SLC23A1: variants seen among roughly 807,000 people sequenced by gnomAD.
SLC23A1 encodes the protein solute carrier family 23 member 1.
Under a neutral mutation model 62.5 loss-of-function variants are expected in SLC23A1, and 31 were observed. The ratio of observed to expected loss-of-function variants is 0.50; its 90% CI spans 0.37 to 0.67. The LOEUF is 0.67. Among genes scored for constraint, SLC23A1 ranks in the 30% least tolerant of loss-of-function variants. The pLI is 0.00. For missense variants in SLC23A1, 640 were observed against 782.7 expected, an observed-to-expected ratio of 0.82 and a Z score of 2.18; for synonymous variants, 271 against 313.2, an observed-to-expected ratio of 0.87 and a Z score of 1.42.
chr5:139,382,118 G>A, intron 2 of SLC23A1, 69 bp from the exon 3 acceptor site: 4 of 1,465,896 alleles, frequency 2.7e-6, no homozygotes, highest in Non-Finnish European at 2.8e-6. Flanking sequence ...GGACAACCTA[G>A]TGTCCTCATG....
Position 139,378,134 on chromosome 5 carries a change from A to G in SLC23A1, c.1310-16T>C. ...GTAATCATGCCTAAGGGCGCAAGAG[A>G]ACGGCTGGAGGCGCCGCACACGCGT... On this transcript the variant is annotated splice_polypyrimidine_tract_variant and intron_variant, in intron 11 of 14. Transcript: ENST00000348729. The surrounding 1 kb of genome is among the most constrained non-coding windows in gnomAD (Gnocchi z 4.5). 1.9e-6 allele frequency: 3 copies of G among 1,614,138 alleles called. No individual in the cohort carries two copies. The highest frequency in any genetic ancestry group is 2.5e-6 in the Non-Finnish European group (3 of 1,180,014).
upstream of SLC23A1, chr5:139,383,304 AC>A: frequency 6.2e-7 from 1 of 1,602,756 alleles, no homozygotes; most frequent in South Asian, 1.1e-5. Context: ...GGATGACTTG[AC>A]AAAGGCCAAG....
rs770252888 is a variant in SLC23A1 at position 139,382,489 on chromosome 5, C to A, written c.150+3G>T. ...GAGGGCGGGGAGGCCCTGGGGGACC[C>A]ACCTGGAAGCCCAGCAGGATGCACA... On this transcript the variant is annotated splice_donor_region_variant and intron_variant, in intron 2 of 14. Coordinates refer to ENST00000348729, the MANE Select transcript of SLC23A1 (RefSeq NM_005847.5). 11 of 1,591,132 alleles carry A rather than the reference C, an allele frequency of 6.9e-6. No homozygotes were observed. The highest frequency in any genetic ancestry group is 9.5e-6 in the Non-Finnish European group (11 of 1,159,726).
chr5:139,378,821 G>A lies in SLC23A1; in HGVS notation c.1074-137C>T, dbSNP rs914838466. The A allele has an allele frequency of 3.1e-5, 21 of 678,024 alleles. No homozygotes were observed. Among genetic ancestry groups the A allele is most frequent in the Middle Eastern group, 2.4e-4 (1 of 4,086 alleles). 42.0% of individuals were successfully genotyped at this position (678,024 alleles called of 1,614,324 possible). A position where few individuals can be genotyped will look rare whatever the true frequency, so the allele number is the denominator to read the frequency against. On this transcript the variant is annotated intron_variant, in intron 9 of 14. Coordinates refer to ENST00000348729, the MANE Select transcript of SLC23A1 (RefSeq NM_005847.5). This position sits in a 1 kb window ranked among gnomAD's most constrained non-coding sequence, Gnocchi z 4.5. Reference sequence around the variant, plus strand: ...CTGTAGCACTCCCTACTACAGGCCAGAATGCTCAGGCTCCAGAGCTAGTCC... The same window carrying A: ...CTGTAGCACTCCCTACTACAGGCCAAAATGCTCAGGCTCCAGAGCTAGTCC...
chr5:139,375,874 C>T (rs370024040), intron 13 of SLC23A1, among the ~76,000 whole-genome samples: 2 of 152,064 alleles, frequency 1.3e-5, no homozygotes, highest in African/African-American at 4.8e-5. Context: ...TGGCTCACAC[C>T]TATAATCCCA....
chr5:139,380,260 CAGAA>C lies in SLC23A1; in HGVS notation c.591_594del (p.Val199SerfsTer21). Reference sequence around the variant, plus strand: ...GCTCGGTCGCCAGCAGCTTGGAAGACAGAAAGGCCAATGAGGGAGACAGTGGGGG... The same window carrying C: ...GCTCGGTCGCCAGCAGCTTGGAAGACAGGCCAATGAGGGAGACAGTGGGGG... On this transcript the variant is annotated frameshift_variant, in exon 6 of 15. Coordinates refer to ENST00000348729, the MANE Select transcript of SLC23A1 (RefSeq NM_005847.5). LOFTEE classifies it high-confidence loss of function. 4 of 1,577,460 alleles carry C rather than the reference CAGAA, an allele frequency of 2.5e-6. No homozygotes were observed. Among genetic ancestry groups the C allele is most frequent in the Non-Finnish European group, 3.4e-6 (4 of 1,161,530 alleles).
upstream of SLC23A1, among the ~76,000 whole-genome samples, chr5:139,385,624 G>A (rs980159712): frequency 2.6e-5 from 4 of 152,190 alleles, no homozygotes; most frequent in African/African-American, 2.4e-5. Flanking sequence ...AACCACCTTT[G>A]CAAAATTATG....
At chr5:139,380,756 G>A in intron 4 of SLC23A1, 42 bp downstream of exon 4, 2 of 1,482,088 alleles carry the variant, frequency 1.3e-6, no homozygotes, top group East Asian at 2.3e-5. Flanking sequence ...AGGTCTCTGG[G>A]CCTCCCCTTT....
At chr5:139,374,107 C>G (rs1226669785) in intron 13 of SLC23A1, among the ~76,000 whole-genome samples, 2 of 152,206 alleles carry the variant, frequency 1.3e-5, no homozygotes, top group East Asian at 3.8e-4. Flanking sequence ...TACCACCTAT[C>G]TTGTGCCAGG....
intron 14 of SLC23A1, among the ~76,000 whole-genome samples, chr5:139,370,626 G>A (rs1376101098): frequency 6.6e-6 from 1 of 151,538 alleles, no homozygotes; most frequent in African/African-American, 2.4e-5. Flanking sequence ...CAAGTAGCTG[G>A]GATTACAGGC....
At chr5:139,381,451 G>A (rs140675485) in intron 3 of SLC23A1, among the ~76,000 whole-genome samples, 2,574 of 152,014 alleles carry the variant, frequency 0.017, 81 homozygotes, top group African/African-American at 0.06. Flanking sequence ...AAAATTAGCC[G>A]GGCATGGTGG....
chr5:139,384,655 C>T (rs1758439941), upstream of SLC23A1: 6 of 1,213,790 alleles, frequency 4.9e-6, no homozygotes, highest in Non-Finnish European at 6.3e-6. Flanking sequence ...GATACGGCTC[C>T]ATGGACACTC....
upstream of SLC23A1, among the ~76,000 whole-genome samples, chr5:139,384,200 G>T (rs1369519086): frequency 6.6e-6 from 1 of 152,216 alleles, no homozygotes; most frequent in Non-Finnish European, 1.5e-5. Context: ...CTCCTGGCAG[G>T]CCCAGCCCAG....
At chr5:139,375,223 C>T (rs1392776656) in intron 13 of SLC23A1, among the ~76,000 whole-genome samples, 1 of 152,166 alleles carries the variant, frequency 6.6e-6, no homozygotes, top group Non-Finnish European at 1.5e-5. Context: ...TCCCTTATGT[C>T]CCTATACTGA....
At chr5:139,372,318 A>G in intron 13 of SLC23A1, 65 bp from the exon 14 acceptor site, 2 of 1,482,128 alleles carry the variant, frequency 1.3e-6, no homozygotes, top group Non-Finnish European at 1.8e-6. Flanking sequence ...ACTTCCCATA[A>G]CCCAGTCCTA....
At chr5:139,377,847 G>T in intron 12 of SLC23A1, 128 bp downstream of exon 12, 1 of 872,450 alleles carries the variant, frequency 1.1e-6, no homozygotes, top group Non-Finnish European at 1.8e-6. Context: ...CAAGCTCTCA[G>T]CTGCTGGTTG....
intron 13 of SLC23A1, among the ~76,000 whole-genome samples, chr5:139,376,669 C>G (rs1400387277): frequency 1.3e-5 from 2 of 152,208 alleles, no homozygotes; most frequent in Admixed American, 6.5e-5. Context: ...GCAAAAAGCT[C>G]TGGTACCAAA....
At chr5:139,384,311 G>T, upstream of SLC23A1, 1 of 1,219,560 alleles carries the variant, frequency 8.2e-7, no homozygotes, top group Non-Finnish European at 1.1e-6. Flanking sequence ...TCCCCATTCT[G>T]TTCCCCTCTG....
At chr5:139,373,400 G>A (rs528886546) in intron 13 of SLC23A1, among the ~76,000 whole-genome samples, 6 of 152,120 alleles carry the variant, frequency 3.9e-5, no homozygotes, top group Admixed American at 2.0e-4. Flanking sequence ...CACTGGTGTC[G>A]AACTCCTGAC....
Sources: allele counts gnomAD v4.1 joint callset (sites outside exome capture counted in the v4.1 genomes callset), GRCh38; gene constraint gnomAD v4.1.1; non-coding constraint Gnocchi (gnomAD v3.1); transcripts MANE v1.5; gene names NCBI Gene and HGNC (gene_info 2026-07-23, HGNC 2026-07-21).